Variants in ESD observed in about 807,000 individuals in gnomAD.
ESD encodes S-formylglutathione hydrolase.
ESD carries 34 observed loss-of-function variants against 38.1 expected under a neutral mutation model. The observed-to-expected ratio is 0.89, with a 90% CI of 0.68 to 1.19. The LOEUF is 1.19. Among genes scored for constraint, ESD ranks in the 50% most tolerant of loss-of-function variants. ESD has a pLI of 0.00. For missense variants in ESD, 334 were observed against 327.2 expected (o/e 1.02, Z -0.16); for synonymous variants, 97 against 107.0 (o/e 0.91, Z 0.58).
intron 3 of ESD, among the ~76,000 whole-genome samples, chr13:46,790,941 T>G (rs1157076924): frequency 6.6e-6 from 1 of 152,212 alleles, no homozygotes; most frequent in East Asian, 1.9e-4. Flanking sequence ...TTTAATCTCT[T>G]TACTTAATGC....
At chr13:46,782,820 C>A in intron 5 of ESD, 29 bp from the exon 6 acceptor site, 1 of 1,610,448 alleles carries the variant, frequency 6.2e-7, no homozygotes, top group Non-Finnish European at 8.5e-7. Flanking sequence ...GTGGTTTCAT[C>A]TGCTCTGTAG....
At chr13:46,777,948 A>G (rs1052671848) in intron 8 of ESD, among the ~76,000 whole-genome samples, 2 of 151,980 alleles carry the variant, frequency 1.3e-5, no homozygotes, top group East Asian at 3.9e-4. Context: ...CTCCAGCAAG[A>G]ACATGATTTT....
Position 46,780,047 on chromosome 13 carries a change from A to C in ESD, c.502-14T>G. 1 of 1,550,582 alleles carries C rather than the reference A, an allele frequency of 6.4e-7. No individual in the cohort carries two copies. Among genetic ancestry groups the C allele is most frequent in the Non-Finnish European group, 8.8e-7 (1 of 1,140,370 alleles). Reference sequence around the variant, plus strand: ...TGCTGACACAGACTTCAGAAACAAAAGAAATTTAAAAACAAGTTATATTTT... The same window carrying C: ...TGCTGACACAGACTTCAGAAACAAACGAAATTTAAAAACAAGTTATATTTT... On this transcript the variant is annotated splice_polypyrimidine_tract_variant and intron_variant, in intron 7 of 9. Coordinates refer to ENST00000378720, the MANE Select transcript of ESD (RefSeq NM_001984.2).
intron 9 of ESD, among the ~76,000 whole-genome samples, chr13:46,774,179 A>T (rs1429480856): frequency 6.6e-6 from 1 of 152,016 alleles, no homozygotes; most frequent in Non-Finnish European, 1.5e-5. Flanking sequence ...AGAAGTCCCA[A>T]GGTAAACCCA....
chr13:46,781,500 T>C lies in ESD; in HGVS notation c.497A>G (p.Tyr166Cys). ...TAGAAGTTTAGATAATCTTACTTTG[T>C]ATTTTCCAGGATTTTTCAAAGCACA... ...LICALKNPGKYKSVSAFAPIC... is the reference protein window; with the variant it reads ...LICALKNPGKCKSVSAFAPIC... The change falls in exon 7 of 10, where the codon TAC (tyrosine) becomes TGC (cysteine). Residue 166 changes from tyrosine to cysteine, a missense_variant. Tyr to Cys is a radical substitution (Grantham distance 194). Coordinates refer to ENST00000378720, the MANE Select transcript of ESD (RefSeq NM_001984.2). 6.3e-7 allele frequency: 1 copy of C among 1,594,724 alleles called. No homozygotes were observed. The highest frequency in any genetic ancestry group is 8.5e-7 in the Non-Finnish European group (1 of 1,171,452).
intron 8 of ESD, among the ~76,000 whole-genome samples, chr13:46,778,456 C>T (rs1874882355): frequency 1.3e-5 from 2 of 151,712 alleles, no homozygotes; most frequent in Non-Finnish European, 3.0e-5. Flanking sequence ...ACATGGTTTC[C>T]TGATTTCAAT....
chr13:46,771,939 G>C (rs1874621163), intron 9 of ESD, among the ~76,000 whole-genome samples: 2 of 152,006 alleles, frequency 1.3e-5, no homozygotes, highest in Admixed American at 1.3e-4. Context: ...AAAGAATCAG[G>C]ATTTAGAGAT....
chr13:46,776,611 G>A (rs1405588530), intron 9 of ESD: 1 of 152,040 alleles, frequency 6.6e-6, no homozygotes, highest in Admixed American at 6.6e-5. Context: ...GGCGGTATAA[G>A]AATTAACAAT....
At chr13:46,790,909 T>C (rs905710965) in intron 3 of ESD, among the ~76,000 whole-genome samples, 1 of 152,164 alleles carries the variant, frequency 6.6e-6, no homozygotes, top group Middle Eastern at 3.2e-3. Context: ...CCTTTATAGG[T>C]ATATGTATGT....
chr13:46,778,634 A>T (rs997646231), intron 8 of ESD, among the ~76,000 whole-genome samples: 4 of 151,790 alleles, frequency 2.6e-5, no homozygotes, highest in Non-Finnish European at 5.9e-5. Context: ...TTAGACCATA[A>T]GCCCCTGGTG....
Position 46,795,756 on chromosome 13 carries a change from CTT to C in ESD, c.-56+1347_-56+1348del, listed in dbSNP as rs201133945. Among the ~76,000 whole-genome samples, 253 of 143,286 alleles carry C rather than the reference CTT, an allele frequency of 1.8e-3. 1 individual carries two copies. The highest frequency in any genetic ancestry group is 5.2e-3 in the African/African-American group (204 of 38,982). The allele number at this position is 143,286 out of a possible 152,430, so 94.0% of individuals were successfully genotyped here. On this transcript the variant is annotated intron_variant, in intron 1 of 9. Transcript: ENST00000378720. ...GTGCAAACACAGTCTTTTTTTTCTT[CTT>C]TTTTTTTTTTTTGAGACAGGGTCAA...
At chr13:46,789,713 T>A (rs1875322100) in intron 3 of ESD, among the ~76,000 whole-genome samples, 1 of 152,112 alleles carries the variant, frequency 6.6e-6, no homozygotes, top group African/African-American at 2.4e-5. Context: ...ATCACTTTTA[T>A]CTTATTTTAC....
At chr13:46,781,987 CAT>C (rs1875018739) in intron 6 of ESD, among the ~76,000 whole-genome samples, 1 of 151,530 alleles carries the variant, frequency 6.6e-6, no homozygotes, top group African/African-American at 2.4e-5. Context: ...AGGGTAAAAA[CAT>C]ATACAAAACC....
intron 8 of ESD, among the ~76,000 whole-genome samples, chr13:46,778,468 G>A (rs1023861590): frequency 1.3e-5 from 2 of 151,682 alleles, no homozygotes; most frequent in Non-Finnish European, 1.5e-5. Flanking sequence ...GATTTCAATC[G>A]TAAATTAAAT....
At chr13:46,774,894 G>A (rs1024295579) in intron 9 of ESD, among the ~76,000 whole-genome samples, 4 of 152,114 alleles carry the variant, frequency 2.6e-5, no homozygotes, top group African/African-American at 7.2e-5. Context: ...ACATTTCTGG[G>A]ATTCTCTGCC....
intron 9 of ESD, among the ~76,000 whole-genome samples, chr13:46,774,587 C>T (rs554663834): frequency 6.6e-6 from 1 of 152,296 alleles, no homozygotes; most frequent in African/African-American, 2.4e-5. Context: ...AAACTCTTGA[C>T]TCCTGGAGTA....
chr13:46,795,736 AAC>A (rs1217408244), intron 1 of ESD, among the ~76,000 whole-genome samples: 1 of 151,724 alleles, frequency 6.6e-6, no homozygotes, highest in Non-Finnish European at 1.5e-5. Context: ...CCTGTGTGCA[AAC>A]ACAGTCTTTT....
chr13:46,794,126 A>C (rs941319846), intron 1 of ESD, among the ~76,000 whole-genome samples: 8 of 149,368 alleles, frequency 5.4e-5, no homozygotes, highest in African/African-American at 2.0e-4. Flanking sequence ...GAATACCAAA[A>C]AACCAAACAA....
intron 2 of ESD, 143 bp from the exon 3 acceptor site, chr13:46,791,563 A>T (rs1212106010): frequency 3.2e-6 from 2 of 616,816 alleles, no homozygotes; most frequent in Non-Finnish European, 5.7e-6. Flanking sequence ...TTCTCCAGTA[A>T]ATAATATTAA....
Sources: gnomAD v4.1 joint callset for allele counts (sites outside exome capture counted in the v4.1 genomes callset) on GRCh38, gnomAD v4.1.1 for gene constraint, MANE v1.5 for transcripts, NCBI Gene and HGNC (gene_info 2026-07-23, HGNC 2026-07-21) for gene names.